Variants in CATSPERE observed in about 807,000 individuals in gnomAD.
CATSPERE encodes the protein cation channel sperm-associated auxiliary subunit epsilon.
CATSPERE carries 93 observed loss-of-function variants against 114.1 expected under a neutral mutation model. The ratio of observed to expected loss-of-function variants is 0.81; its 90% confidence interval spans 0.69 to 0.97. The LOEUF is 0.97. CATSPERE is among the 50% of genes least tolerant of loss of function. The pLI, the probability that CATSPERE is intolerant of heterozygous loss-of-function variation, is 0.00. For synonymous variants in CATSPERE, 341 were observed against 384.1 expected (o/e 0.89, Z 1.31); for missense variants, 1,058 against 1,131.6 (o/e 0.93, Z 0.93).
intron 20 of CATSPERE, among the ~76,000 whole-genome samples, chr1:244,628,768 G>A (rs930158297): frequency 6.6e-6 from 1 of 152,162 alleles, no homozygotes; most frequent in Non-Finnish European, 1.5e-5. Flanking sequence ...GAGCTATAGC[G>A]CCACAGCTGT....
At chr1:244,637,661 T>TA (rs1674801315) in intron 21 of CATSPERE, among the ~76,000 whole-genome samples, 2 of 152,132 alleles carry the variant, frequency 1.3e-5, no homozygotes, top group Admixed American at 6.6e-5. Context: ...CAACAACACT[T>TA]ACCAGTACAC....
intron 5 of CATSPERE, among the ~76,000 whole-genome samples, chr1:244,484,177 A>G (rs1034924628): frequency 2.0e-5 from 3 of 152,172 alleles, no homozygotes; most frequent in Non-Finnish European, 4.4e-5. Flanking sequence ...ACAAAACTAC[A>G]TTATCCTTAT....
chr1:244,604,940 G>A lies in CATSPERE; in HGVS notation c.2304-755G>A, dbSNP rs536811032. On this transcript the variant is annotated intron_variant, in intron 17 of 21. Transcript: ENST00000366534. ...CTGTAGCATCAAGGCAGGGGTAGCCGGTCCATCTTGCACTCCCCTTGCTGG... is the reference window on the plus strand; with the variant it reads ...CTGTAGCATCAAGGCAGGGGTAGCCAGTCCATCTTGCACTCCCCTTGCTGG... Among the ~76,000 whole-genome samples, 7 of 152,248 alleles carry A rather than the reference G, an allele frequency of 4.6e-5. 1 individual carries two copies. The highest frequency in any genetic ancestry group is 2.6e-4 in the Admixed American group (4 of 15,282).
chr1:244,610,674 A>G (rs181541488), intron 19 of CATSPERE: 37 of 259,230 alleles, frequency 1.4e-4, no homozygotes, highest in African/African-American at 5.8e-4. Flanking sequence ...CAAGTTGTCA[A>G]TGAGGACTTC....
intron 2 of CATSPERE, among the ~76,000 whole-genome samples, chr1:244,474,125 AG>A (rs1348903631): frequency 6.6e-6 from 1 of 151,942 alleles, no homozygotes; most frequent in East Asian, 1.9e-4. Context: ...TCCGACTCCC[AG>A]GTTCAAGCAA....
At chr1:244,487,087 G>A (rs60776314) in intron 5 of CATSPERE, among the ~76,000 whole-genome samples, 9,425 of 147,308 alleles carry the variant, frequency 0.064, 520 homozygotes, top group East Asian at 0.27. Context: ...TGGAATACTC[G>A]TGGGCCAGGT....
At chr1:244,544,974 T>C (rs1483080813) in intron 8 of CATSPERE, among the ~76,000 whole-genome samples, 1 of 152,172 alleles carries the variant, frequency 6.6e-6, no homozygotes, top group African/African-American at 2.4e-5. Context: ...ACCTCAAGGG[T>C]ATATCAATTC....
intron 5 of CATSPERE, among the ~76,000 whole-genome samples, chr1:244,489,183 C>G (rs2148212047): frequency 6.6e-6 from 1 of 152,256 alleles, no homozygotes; most frequent in South Asian, 2.1e-4. Flanking sequence ...AGGCTGGTCT[C>G]AAACTCCTGG....
chr1:244,630,142 G>T (rs1004660372), intron 20 of CATSPERE, among the ~76,000 whole-genome samples: 2 of 152,130 alleles, frequency 1.3e-5, no homozygotes, highest in African/African-American at 2.4e-5. Context: ...GAAAGCAAAC[G>T]GCCTCTGATC....
chr1:244,551,600 G>T (rs1436244328), intron 8 of CATSPERE, among the ~76,000 whole-genome samples: 21 of 151,962 alleles, frequency 1.4e-4, no homozygotes, highest in Admixed American at 1.4e-3. Context: ...GTATAAGTAG[G>T]CATGGTACAT....
At chr1:244,565,337 T>G (rs917099834) in intron 10 of CATSPERE, among the ~76,000 whole-genome samples, 2 of 152,192 alleles carry the variant, frequency 1.3e-5, no homozygotes, top group Non-Finnish European at 2.9e-5. Flanking sequence ...CAGCTCCTCT[T>G]TGTACCTCCG....
At chr1:244,520,124 A>C (rs1244145618) in intron 8 of CATSPERE, among the ~76,000 whole-genome samples, 1 of 152,176 alleles carries the variant, frequency 6.6e-6, no homozygotes, top group Non-Finnish European at 1.5e-5. Context: ...AAAGCACAGA[A>C]GTTTTACATT....
chr1:244,556,056 G>A (rs1661523628), intron 9 of CATSPERE, among the ~76,000 whole-genome samples: 1 of 152,094 alleles, frequency 6.6e-6, no homozygotes, highest in Non-Finnish European at 1.5e-5. Context: ...AAGTTAATCT[G>A]GTGAGGTGGC....
intron 6 of CATSPERE, among the ~76,000 whole-genome samples, chr1:244,495,835 T>C (rs965304037): frequency 4.6e-5 from 7 of 152,218 alleles, no homozygotes; most frequent in Admixed American, 1.3e-4. Context: ...CACCTCTTTT[T>C]GGGGCTGTAA....
intron 4 of CATSPERE, among the ~76,000 whole-genome samples, chr1:244,479,146 T>C (rs530579728): frequency 6.0e-5 from 9 of 150,194 alleles, no homozygotes; most frequent in African/African-American, 2.0e-4. Context: ...CAGGCTGGAG[T>C]GCAATGGTGC....
intron 20 of CATSPERE, among the ~76,000 whole-genome samples, chr1:244,617,969 A>G (rs1167199852): frequency 2.0e-5 from 3 of 152,200 alleles, no homozygotes; most frequent in Admixed American, 6.5e-5. Flanking sequence ...GGTATTTACA[A>G]TTAAGCTGCC....
chr1:244,489,790 C>T (rs1371561778), intron 5 of CATSPERE, among the ~76,000 whole-genome samples: 2 of 151,716 alleles, frequency 1.3e-5, no homozygotes, highest in African/African-American at 2.4e-5. Flanking sequence ...GCCTGAGTTG[C>T]TTTAAGATTA....
chr1:244,452,068 T>G (rs1208205849), upstream of CATSPERE: 5 of 324,692 alleles, frequency 1.5e-5, no homozygotes, highest in Non-Finnish European at 2.8e-5. Context: ...GAGGCCCTGG[T>G]GGCGGCAACG....
Position 244,461,504 on chromosome 1 carries a change from C to G in CATSPERE, c.65+10C>G. The G allele has an allele frequency of 1.5e-6, 2 of 1,307,040 alleles. No homozygotes were observed. The highest frequency in any genetic ancestry group is 2.6e-5 in the South Asian group (1 of 38,736). 81.0% of individuals were successfully genotyped at this position (1,307,040 alleles called of 1,614,324 possible). A position where few individuals can be genotyped will look rare whatever the true frequency, so the allele number is the denominator to read the frequency against. Reference sequence around the variant, plus strand: ...GCTCCGCCCTTTGGAGGTAGAGAGACGCCAGTCGCAGGCGAGCGACTAGGC... The same window carrying G: ...GCTCCGCCCTTTGGAGGTAGAGAGAGGCCAGTCGCAGGCGAGCGACTAGGC... On this transcript the variant is annotated intron_variant, in intron 1 of 21. Coordinates refer to ENST00000366534, the MANE Select transcript of CATSPERE (RefSeq NM_001130957.2).
Sources: allele counts gnomAD v4.1 joint callset (sites outside exome capture counted in the v4.1 genomes callset), GRCh38; gene constraint gnomAD v4.1.1; transcripts MANE v1.5; gene names NCBI Gene and HGNC (gene_info 2026-07-23, HGNC 2026-07-21).